The following USP10 variants were observed in gnomAD, a reference collection of about 807,000 sequenced individuals.
The protein encoded by USP10 is ubiquitin specific peptidase 10, also known as ubiquitin carboxyl-terminal hydrolase 10.
USP10 carries 22 observed loss-of-function variants against 84.5 expected under a neutral mutation model. The ratio of observed to expected loss-of-function variants is 0.26; its 90% CI spans 0.19 to 0.37. USP10 has a LOEUF of 0.37. Among genes scored for constraint, USP10 ranks in the 10% least tolerant of loss-of-function variants. USP10 has a pLI of 1.00. For missense variants in USP10, 1,019 were observed against 998.9 expected (o/e 1.02, Z -0.27); for synonymous variants, 454 against 387.6 (o/e 1.17, Z -2.01).
intron 2 of USP10, among the ~76,000 whole-genome samples, chr16:84,736,791 G>GT (rs1909985990): frequency 6.6e-6 from 1 of 152,084 alleles, no homozygotes; most frequent in Admixed American, 6.5e-5. Flanking sequence ...TCTTAATTTG[G>GT]TGTGTTTTCT....
intron 6 of USP10, 142 bp downstream of exon 6, chr16:84,759,614 AT>A: frequency 1.2e-6 from 1 of 801,898 alleles, no homozygotes; most frequent in Non-Finnish European, 2.0e-6. Context: ...ACTGTTGGCG[AT>A]TTTATATGGA....
intron 13 of USP10, among the ~76,000 whole-genome samples, chr16:84,777,252 A>T (rs953298695): frequency 2.0e-5 from 3 of 152,196 alleles, no homozygotes; most frequent in Non-Finnish European, 4.4e-5. Context: ...CTGCTTATGA[A>T]ACTAGAATGG....
intron 4 of USP10, among the ~76,000 whole-genome samples, chr16:84,747,088 C>T (rs963299678): frequency 4.6e-5 from 7 of 152,214 alleles, no homozygotes; most frequent in Non-Finnish European, 7.3e-5. Context: ...GACCATCATA[C>T]GTGCGGCTCA....
At chr16:84,744,044 T>A (rs1910928869) in intron 3 of USP10, among the ~76,000 whole-genome samples, 1 of 145,592 alleles carries the variant, frequency 6.9e-6, no homozygotes, top group African/African-American at 2.5e-5. Context: ...TATATAGGAT[T>A]CTTTGTTGTT....
intron 9 of USP10, 124 bp downstream of exon 9, chr16:84,763,212 CTACGATAACT>C (rs1913413608): frequency 1.9e-6 from 1 of 533,114 alleles, no homozygotes; most frequent in East Asian, 2.8e-5. Flanking sequence ...CATTTATTCC[CTACGATAACT>C]TACACCATCG....
chr16:84,703,193 CA>C (rs1905110141), intron 1 of USP10, among the ~76,000 whole-genome samples: 1 of 152,100 alleles, frequency 6.6e-6, no homozygotes, highest in Non-Finnish European at 1.5e-5. Context: ...TGAACTTTAA[CA>C]GTTGAAGTGT....
At chr16:84,751,070 A>G (rs940288295) in intron 4 of USP10, among the ~76,000 whole-genome samples, 1 of 152,244 alleles carries the variant, frequency 6.6e-6, no homozygotes, top group Non-Finnish European at 1.5e-5. Context: ...AACAGACCGC[A>G]TGTACGACAG....
At position 84,779,085 on chromosome 16, in the gene USP10, C is replaced by T. The variant is rs1567660466; in HGVS notation, c.*3C>T. ...ACCGCCGAGTGGACCTGCTGTAAAC[C>T]CTGTGTGCGCTGTGTGTGCGCCCAG... On this transcript the variant is annotated 3_prime_UTR_variant, in exon 14 of 14. Coordinates refer to ENST00000219473, the MANE Select transcript of USP10 (RefSeq NM_005153.3). 1 of 1,610,626 alleles carries T rather than the reference C, an allele frequency of 6.2e-7. No individual in the cohort carries two copies. Among genetic ancestry groups the T allele is most frequent in the Non-Finnish European group, 8.5e-7 (1 of 1,177,194 alleles).
chr16:84,759,624 G>A (rs1387228005), intron 6 of USP10, among the ~76,000 whole-genome samples, 152 bp downstream of exon 6: 1 of 152,142 alleles, frequency 6.6e-6, no homozygotes, highest in African/African-American at 2.4e-5. Context: ...ATTTTATATG[G>A]AAGTTAACCA....
At chr16:84,706,472 ATATATT>A (rs1269772254) in intron 1 of USP10, among the ~76,000 whole-genome samples, 1 of 148,560 alleles carries the variant, frequency 6.7e-6, no homozygotes, top group Non-Finnish European at 1.5e-5. Context: ...AAGACTATAT[ATATATT>A]TATATGTATT....
chr16:84,708,083 A>G (rs1284181660), intron 1 of USP10, among the ~76,000 whole-genome samples: 1 of 152,104 alleles, frequency 6.6e-6, no homozygotes, highest in African/African-American at 2.4e-5. Context: ...TACGTCAAAA[A>G]AGAAAAGATA....
In USP10 at chr16:84,759,373, C is replaced by T. The variant is rs1315842877; in HGVS notation, c.1295C>T (p.Ala432Val). The change falls in exon 6 of 14, where the codon GCA (alanine) becomes GTA (valine). Residue 432 changes from alanine to valine, a missense_variant. Transcript: ENST00000219473. ...NWCYINATLQ[A>V]LVACPPMYHL... is the part of the protein sequence containing the mutation. Reference sequence around the variant, plus strand: ...ACTGCCACTACATAGACACTGCAGGCATTGGTTGCTTGCCCGCCGATGTAC... The same window carrying T: ...ACTGCCACTACATAGACACTGCAGGTATTGGTTGCTTGCCCGCCGATGTAC... 4 of 1,613,958 alleles carry T rather than the reference C, an allele frequency of 2.5e-6. No homozygotes were observed. The highest frequency in any genetic ancestry group is 4.5e-5 in the East Asian group (2 of 44,888).
At chr16:84,747,058 G>C (rs543943323) in intron 4 of USP10, among the ~76,000 whole-genome samples, 1 of 152,354 alleles carries the variant, frequency 6.6e-6, no homozygotes, top group East Asian at 1.9e-4. Flanking sequence ...GGACGTTTCA[G>C]TTCCACTAGA....
At chr16:84,704,062 C>T (rs752218255) in intron 1 of USP10, among the ~76,000 whole-genome samples, 1 of 152,350 alleles carries the variant, frequency 6.6e-6, no homozygotes, top group East Asian at 1.9e-4. Flanking sequence ...CTAAGCGGCA[C>T]GTTGCACTGT....
intron 4 of USP10, among the ~76,000 whole-genome samples, chr16:84,756,199 C>A (rs1392550415): frequency 1.3e-5 from 2 of 151,976 alleles, no homozygotes; most frequent in African/African-American, 4.8e-5. Context: ...TTGCCTAGGG[C>A]AGGACCACCT....
intron 13 of USP10, among the ~76,000 whole-genome samples, chr16:84,776,023 G>C (rs1002513026): frequency 1.3e-5 from 2 of 152,132 alleles, no homozygotes; most frequent in African/African-American, 4.8e-5. Context: ...TGGTGAACCT[G>C]TTTGTATCGT....
intron 12 of USP10, among the ~76,000 whole-genome samples, chr16:84,774,432 GAGA>G (rs1342372313): frequency 2.0e-5 from 3 of 152,050 alleles, no homozygotes; most frequent in Non-Finnish European, 4.4e-5. Context: ...TTCCTATTTG[GAGA>G]AATCATGTTA....
chr16:84,771,307 G>A lies in USP10; in HGVS notation c.1999-1234G>A, dbSNP rs74712465. Among the ~76,000 whole-genome samples, 98 of 152,210 alleles carry A rather than the reference G, an allele frequency of 6.4e-4. No homozygotes were observed. The East Asian group carries it at 7.4e-3, about 11-fold the overall frequency. ...TCTAATTGGCCTGGAATCCCAGCACGGTGGGAGACTGAGGCGAGCAGGTTG... is the reference window on the plus strand; with the variant it reads ...TCTAATTGGCCTGGAATCCCAGCACAGTGGGAGACTGAGGCGAGCAGGTTG... On this transcript the variant is annotated intron_variant, in intron 11 of 13. Coordinates refer to ENST00000219473, the MANE Select transcript of USP10 (RefSeq NM_005153.3).
At chr16:84,753,388 A>G (rs1002474130) in intron 4 of USP10, among the ~76,000 whole-genome samples, 3 of 152,114 alleles carry the variant, frequency 2.0e-5, no homozygotes, top group South Asian at 4.1e-4. Flanking sequence ...ACATAAATTC[A>G]TTTGCTTTTC....
Sources: allele counts gnomAD v4.1 joint callset (sites outside exome capture counted in the v4.1 genomes callset), GRCh38; gene constraint gnomAD v4.1.1; transcripts MANE v1.5; gene names NCBI Gene and HGNC (gene_info 2026-07-23, HGNC 2026-07-21).